PIN4: variants seen among roughly 807,000 people sequenced by gnomAD.
PIN4 encodes peptidyl-prolyl cis-trans isomerase NIMA-interacting 4.
A neutral mutation model predicts 8.3 loss-of-function variants in PIN4; 3 were observed. The ratio of observed to expected loss-of-function variants is 0.36; its 90% CI spans 0.16 to 0.93. The LOEUF (loss-of-function observed/expected upper bound fraction) is 0.93. Ranked by LOEUF, PIN4 falls within the 40% of genes least tolerant of loss-of-function variation. PIN4 has a pLI of 0.44. For synonymous variants in PIN4, 18 were observed against 32.5 expected (o/e 0.55, Z 1.52); for missense variants, 75 against 100.6 (o/e 0.75, Z 1.09).
At chrX:72,244,905 T>A (rs2043061781) in intron 3 of PIN4, among the ~76,000 whole-genome samples, 1 of 105,695 alleles carries the variant, frequency 9.5e-6, no homozygotes, top group Non-Finnish European at 1.9e-5. Flanking sequence ...ACATGATTCA[T>A]CAGACAAAAA....
chrX:72,197,134 A>G, intron 3 of PIN4: 2 of 448,943 alleles, frequency 4.5e-6, no homozygotes, highest in Non-Finnish European at 7.6e-6. Flanking sequence ...GTCAAAACCT[A>G]TGCATGACCA....
At chrX:72,190,022 G>GCTTCCCTCCTTCCC (rs2042723564) in intron 2 of PIN4, among the ~76,000 whole-genome samples, 2 of 110,640 alleles carry the variant, frequency 1.8e-5, no homozygotes, top group South Asian at 7.6e-4. Context: ...ACTGACCACA[G>GCTTCCCTCCTTCCC]CTTCCCTCCT....
rs1163755801 is a variant in PIN4, at chrX:72,198,043, G to A, written c.*517G>A. Reference sequence around the variant, plus strand: ...AGTACGTGGCACGTTATGCCTTTCAGTGTTAACTCCTTTCTTTTTAAATAA... The same window carrying A: ...AGTACGTGGCACGTTATGCCTTTCAATGTTAACTCCTTTCTTTTTAAATAA... On this transcript the variant is annotated 3_prime_UTR_variant, in exon 4 of 4. Coordinates refer to ENST00000373669, the MANE Select transcript of PIN4 (RefSeq NM_006223.4). The A allele has an allele frequency of 1.3e-6, 1 of 742,650 alleles. No homozygotes were observed. Among genetic ancestry groups the A allele is most frequent in the African/African-American group, 2.3e-5 (1 of 43,184 alleles). 61.2% of individuals were successfully genotyped at this position (742,650 alleles called of 1,213,427 possible).
rs1602459902 is a variant in PIN4 at position 72,248,311 on chromosome X, A to G, written c.313-14396A>G. On this transcript the variant is annotated intron_variant, in intron 3 of 3. Coordinates refer to the PIN4 transcript ENST00000423432. ...ATCCAGAAAAAAAAAAAAAAAAAAAAAAAAAAAAAAAAAAAAAAAAAAAAA... is the reference window on the plus strand; with the variant it reads ...ATCCAGAAAAAAAAAAAAAAAAAAAGAAAAAAAAAAAAAAAAAAAAAAAAA... 1.5e-4 allele frequency among the ~76,000 whole-genome samples: 6 copies of G among 40,370 alleles called. No homozygotes were observed. In the African/African-American group the frequency reaches 1.8e-3, roughly 12 times the overall value. The allele number at this position is 40,370 out of a possible 115,157, so 35.1% of individuals were successfully genotyped here. A position where few individuals can be genotyped will look rare whatever the true frequency, so the allele number is the denominator to read the frequency against.
intron 1 of PIN4, 31 bp downstream of exon 1, chrX:72,181,859 G>A (rs1197771818): frequency 3.4e-6 from 3 of 889,097 alleles, no homozygotes; most frequent in Non-Finnish European, 4.9e-6. Context: ...AAGGAGAATG[G>A]GGGCGGGTGA....
chrX:72,221,156 T>C (rs2042920742), intron 3 of PIN4, among the ~76,000 whole-genome samples: 1 of 111,776 alleles, frequency 8.9e-6, no homozygotes, highest in Non-Finnish European at 1.9e-5. Flanking sequence ...ACAATGGGTA[T>C]TTTGCCCTCT....
intron 3 of PIN4, among the ~76,000 whole-genome samples, chrX:72,260,819 A>G (rs1480805044): frequency 9.0e-6 from 1 of 111,421 alleles, no homozygotes; most frequent in African/African-American, 3.3e-5. Context: ...AGGCCTGTCA[A>G]TTTTACCCCC....
At chrX:72,238,943 G>GGGAGTTT (rs202000886) in intron 3 of PIN4, 11,799 of 1,123,054 alleles carry the variant, frequency 0.011, 56 homozygotes, top group South Asian at 0.015. Flanking sequence ...TTACCCCGGC[G>GGGAGTTT]GGAGTTTGGA....
chrX:72,197,669 C>CT lies in PIN4; in HGVS notation c.*144dup, dbSNP rs1303364642. The CT allele has an allele frequency of 9.5e-6, 10 of 1,056,606 alleles. No individual in the cohort carries two copies. The African/African-American group carries it at 1.9e-4, about 20-fold the overall frequency. The allele number at this position is 1,056,606 out of a possible 1,213,427, so 87.1% of individuals were successfully genotyped here. The stretch of plus-strand genomic sequence containing the variant: ...ATGCTCCTTGTATTCTGTGAAAGCT[C>CT]TAAGTATGGGTTTGTAGGTGTAAGA... On this transcript the variant is annotated 3_prime_UTR_variant, in exon 4 of 4. Coordinates refer to ENST00000373669, the MANE Select transcript of PIN4 (RefSeq NM_006223.4).
intron 3 of PIN4, among the ~76,000 whole-genome samples, chrX:72,222,400 T>C (rs749003173): frequency 1.8e-5 from 2 of 111,288 alleles, no homozygotes; most frequent in Non-Finnish European, 3.8e-5. Context: ...ACCAAGCCCC[T>C]ATATAAAATC....
chrX:72,188,480 C>T (rs779570542), intron 2 of PIN4, among the ~76,000 whole-genome samples: 68 of 111,184 alleles, frequency 6.1e-4, no homozygotes, highest in African/African-American at 2.1e-3. Context: ...GCCTCAGCCT[C>T]CCAAGTATCT....
intron 3 of PIN4, among the ~76,000 whole-genome samples, chrX:72,260,862 G>A (rs891662638): frequency 2.7e-5 from 3 of 111,377 alleles, no homozygotes; most frequent in Admixed American, 1.9e-4. Flanking sequence ...CCTTCTTTCC[G>A]TCCCCATGGC....
chrX:72,223,297 G>A (rs1348911303), intron 3 of PIN4, among the ~76,000 whole-genome samples: 6 of 98,890 alleles, frequency 6.1e-5, no homozygotes, highest in Non-Finnish European at 2.0e-5. Context: ...CTGAGATCAC[G>A]CCATTGCACT....
In PIN4 at chrX:72,197,678, G is replaced by A; in HGVS notation, c.*152G>A. The A allele has an allele frequency of 2.9e-6, 3 of 1,044,607 alleles. No individual in the cohort carries two copies. The highest frequency in any genetic ancestry group is 3.7e-6 in the Non-Finnish European group (3 of 811,685). The allele number at this position is 1,044,607 out of a possible 1,213,427, so 86.1% of individuals were successfully genotyped here. ...GTATTCTGTGAAAGCTCTAAGTATG[G>A]GTTTGTAGGTGTAAGAGAGGGTGGG... On this transcript the variant is annotated 3_prime_UTR_variant, in exon 4 of 4. Coordinates refer to ENST00000373669, the MANE Select transcript of PIN4 (RefSeq NM_006223.4).
intron 3 of PIN4, among the ~76,000 whole-genome samples, chrX:72,204,030 G>C (rs1036393897): frequency 8.9e-6 from 1 of 112,160 alleles, no homozygotes; most frequent in Non-Finnish European, 1.9e-5. Flanking sequence ...TGGCTAAATG[G>C]TCAGCAGTGA....
At chrX:72,206,729 A>G (rs754886880) in intron 3 of PIN4, 11 of 1,209,570 alleles carry the variant, frequency 9.1e-6, no homozygotes, top group Non-Finnish European at 1.1e-6. Context: ...GACAGATCAC[A>G]TGTGTACATC....
chrX:72,243,034 G>A (rs1159895164), intron 3 of PIN4, among the ~76,000 whole-genome samples: 2 of 108,646 alleles, frequency 1.8e-5, no homozygotes, highest in African/African-American at 6.7e-5. Context: ...AAAAGAAAAG[G>A]AAAAAGCTCT....
At chrX:72,217,318 A>G (rs2042892040) in intron 3 of PIN4, among the ~76,000 whole-genome samples, 1 of 112,179 alleles carries the variant, frequency 8.9e-6, no homozygotes, top group Non-Finnish European at 1.9e-5. Context: ...ATGACAGGGT[A>G]TAAAGGACCT....
intron 3 of PIN4, among the ~76,000 whole-genome samples, chrX:72,221,413 A>G (rs5958801): frequency 0.45 from 49,611 of 110,050 alleles, 10,402 homozygotes; most frequent in East Asian, 0.98. Context: ...CAGCTTGACC[A>G]TCCTCTTTAG....
Sources: allele counts gnomAD v4.1 joint callset (sites outside exome capture counted in the v4.1 genomes callset), GRCh38; gene constraint gnomAD v4.1.1; transcripts MANE v1.5; gene names NCBI Gene and HGNC (gene_info 2026-07-23, HGNC 2026-07-21).